Variants in CLCN4 observed in about 807,000 individuals in gnomAD.
The protein encoded by CLCN4 is Cl-/H+ antiporter 4.
A neutral mutation model predicts 41.7 loss-of-function variants in CLCN4; 1 was observed. That is an observed-to-expected ratio of 0.02 (90% CI 0.01 to 0.11). CLCN4 has a LOEUF of 0.11. CLCN4 is among the 10% of genes least tolerant of loss of function. The pLI, the probability that CLCN4 is intolerant of heterozygous loss-of-function variation, is 1.00. For synonymous variants in CLCN4, 277 were observed against 285.8 expected (o/e 0.97, Z 0.31); for missense variants, 287 against 661.0 (o/e 0.43, Z 6.20).
chrX:10,191,859 C>T (rs764303845), intron 4 of CLCN4, among the ~76,000 whole-genome samples: 1 of 109,034 alleles, frequency 9.2e-6, no homozygotes, highest in Admixed American at 9.9e-5. Flanking sequence ...TTTAACAGAG[C>T]CTTTAATATA....
rs935288313 is a variant in CLCN4 at position 10,204,180 on chromosome X, C to A, written c.556-2178C>A. 3.6e-5 allele frequency among the ~76,000 whole-genome samples: 4 copies of A among 111,745 alleles called. No homozygotes were observed. The East Asian group carries it at 8.4e-4, about 23-fold the overall frequency. On this transcript the variant is annotated intron_variant, in intron 6 of 12. Transcript: ENST00000380833. Reference sequence around the variant, plus strand: ...ATGAAGTTAATCACTGTGATAGGCACCCAGTTGAATTCTAAAAGCATTAGG... The same window carrying A: ...ATGAAGTTAATCACTGTGATAGGCAACCAGTTGAATTCTAAAAGCATTAGG...
intron 11 of CLCN4, among the ~76,000 whole-genome samples, chrX:10,220,121 G>A (rs1924821041): frequency 8.9e-6 from 1 of 111,941 alleles, no homozygotes; most frequent in African/African-American, 3.3e-5. Flanking sequence ...GGACCCAAGG[G>A]TCGCGTTTGG....
intron 2 of CLCN4, among the ~76,000 whole-genome samples, chrX:10,167,501 A>G (rs1054421886): frequency 8.9e-6 from 1 of 111,871 alleles, no homozygotes; most frequent in Non-Finnish European, 1.9e-5. Flanking sequence ...TCCCATATGG[A>G]ACCATTCAGG....
intron 10 of CLCN4, 52 bp from the exon 11 acceptor site, chrX:10,213,629 C>T (rs933048693): frequency 5.2e-5 from 57 of 1,103,673 alleles, no homozygotes; most frequent in Non-Finnish European, 6.6e-5. Flanking sequence ...ATCATGCTTC[C>T]GTGAGCTGCC....
intron 11 of CLCN4, among the ~76,000 whole-genome samples, chrX:10,216,871 TGTTGGGG>T (rs2147185446): frequency 2.3e-5 from 1 of 44,312 alleles, no homozygotes; most frequent in Admixed American, 2.5e-4. Flanking sequence ...TACACCTTTC[TGTTGGGG>T]ATGTGTGTGT....
rs1253375011 is a variant in CLCN4, at chrX:10,212,552, A to G, written c.1475A>G (p.Tyr492Cys). 2.5e-6 allele frequency: 3 copies of G among 1,211,277 alleles called. No homozygotes were observed. The highest frequency in any genetic ancestry group is 3.5e-5 in the South Asian group (2 of 56,976). Reference protein sequence around the residue: ...MVGIGVEQLAYHHHDWIIFRN... With the variant: ...MVGIGVEQLACHHHDWIIFRN... ...GGAATTGGCGTGGAGCAGCTGGCCT[A>G]CCATCACCATGACTGGATCATCTTC... Residue 492 changes from tyrosine (Y) to cysteine (C), a missense_variant, in exon 10 of 13, where the codon TAC becomes TGC. Tyr to Cys is a radical substitution (Grantham distance 194). Transcript: ENST00000380833.
At chrX:10,217,009 CT>C (rs1193003549) in intron 11 of CLCN4, among the ~76,000 whole-genome samples, 10 of 101,528 alleles carry the variant, frequency 9.8e-5, no homozygotes, top group African/African-American at 3.6e-4. Flanking sequence ...ATAATCTTTA[CT>C]TTTTTATCAT....
At chrX:10,161,813 A>C (rs1923113347) in intron 2 of CLCN4, among the ~76,000 whole-genome samples, 1 of 110,475 alleles carries the variant, frequency 9.1e-6, no homozygotes, top group Non-Finnish European at 1.9e-5. Flanking sequence ...GAGGGTGTAA[A>C]GGGGCTTCTG....
intron 2 of CLCN4, among the ~76,000 whole-genome samples, chrX:10,173,193 G>A (rs1182340245): frequency 9.0e-6 from 1 of 111,350 alleles, no homozygotes; most frequent in East Asian, 2.8e-4. Flanking sequence ...CTCAGGCATC[G>A]CTTGGGAGTG....
At chrX:10,210,879 C>T (rs1043206528) in intron 9 of CLCN4, among the ~76,000 whole-genome samples, 2 of 107,948 alleles carry the variant, frequency 1.9e-5, no homozygotes, top group Non-Finnish European at 3.8e-5. Flanking sequence ...AACTCCTGGG[C>T]TCAAGTGATC....
chrX:10,174,103 G>C (rs1223314576), intron 2 of CLCN4, among the ~76,000 whole-genome samples: 1 of 112,278 alleles, frequency 8.9e-6, no homozygotes, highest in Non-Finnish European at 1.9e-5. Flanking sequence ...GTCTCTAGGG[G>C]ACACTTTGGT....
intron 12 of CLCN4, among the ~76,000 whole-genome samples, chrX:10,231,140 G>A (rs1925117111): frequency 8.9e-6 from 1 of 112,044 alleles, no homozygotes; most frequent in Admixed American, 9.5e-5. Flanking sequence ...CTTTCACTCA[G>A]CAATACACAT....
chrX:10,208,673 G>T, intron 9 of CLCN4, 83 bp downstream of exon 9: 1 of 864,714 alleles, frequency 1.2e-6, no homozygotes, highest in South Asian at 2.6e-5. Context: ...AAATTGCGGT[G>T]GGAAAAAAAG....
Position 10,212,837 on chromosome X carries a change from G to GCACACACACACACACACACA in CLCN4, c.1576+186_1576+187insCACACACACACACACACACA, listed in dbSNP as rs199932119. Among the ~76,000 whole-genome samples the GCACACACACACACACACACA allele has an allele frequency of 0.084, 8,954 of 106,416 alleles. 373 individuals are homozygous for GCACACACACACACACACACA. The highest frequency in any genetic ancestry group is 0.26 in the South Asian group (629 of 2,382). The allele number at this position is 106,416 out of a possible 115,157, so 92.4% of individuals were successfully genotyped here. A position where few individuals can be genotyped will look rare whatever the true frequency, so the allele number is the denominator to read the frequency against. ...ACCAAGGCTATGTCTCGCTCACTAT[G>GCACACACACACACACACACA]CAGACACACACACACACACACAAAC... is the stretch of plus-strand genomic sequence containing the variant. On this transcript the variant is annotated intron_variant, in intron 10 of 12. Coordinates refer to ENST00000380833, the MANE Select transcript of CLCN4 (RefSeq NM_001830.4).
chrX:10,209,278 TCCCTCC>T (rs1924478090), intron 9 of CLCN4, among the ~76,000 whole-genome samples: 1 of 31,470 alleles, frequency 3.2e-5, no homozygotes, highest in African/African-American at 1.2e-4. Flanking sequence ...CCTCCCTCCC[TCCCTCC>T]CTCCCTCCCT....
intron 11 of CLCN4, among the ~76,000 whole-genome samples, chrX:10,216,132 A>C (rs1361978872): frequency 1.8e-5 from 2 of 112,053 alleles, no homozygotes. Flanking sequence ...TTCCTAGAGG[A>C]ATTGGGAGCA....
At chrX:10,232,535 A>T (rs1925151796) in intron 12 of CLCN4, among the ~76,000 whole-genome samples, 1 of 112,065 alleles carries the variant, frequency 8.9e-6, no homozygotes, top group Non-Finnish European at 1.9e-5. Flanking sequence ...AGATACAGTG[A>T]GTAGTGTTTT....
At chrX:10,223,591 TC>T (rs1161955465) in intron 12 of CLCN4, among the ~76,000 whole-genome samples, 1 of 111,651 alleles carries the variant, frequency 9.0e-6, no homozygotes. Context: ...CCCTGTACCT[TC>T]CCTGCTCGGG....
chrX:10,185,475 G>A (rs1490958041), intron 3 of CLCN4, among the ~76,000 whole-genome samples: 1 of 111,763 alleles, frequency 8.9e-6, no homozygotes, highest in Non-Finnish European at 1.9e-5. Context: ...TGCCTGAAAA[G>A]GAAATGAGAT....
Sources: allele counts gnomAD v4.1 joint callset (sites outside exome capture counted in the v4.1 genomes callset), GRCh38; gene constraint gnomAD v4.1.1; transcripts MANE v1.5; gene names NCBI Gene and HGNC (gene_info 2026-07-23, HGNC 2026-07-21).